PTPRD: variants seen among roughly 807,000 people sequenced by gnomAD.
PTPRD encodes protein tyrosine phosphatase receptor type D, also known as receptor-type tyrosine-protein phosphatase delta.
A neutral mutation model predicts 214.5 loss-of-function variants in PTPRD; 34 were observed. The ratio of observed to expected loss-of-function variants is 0.16; its 90% CI spans 0.12 to 0.21. The LOEUF is 0.21. Among genes scored for constraint, PTPRD ranks in the 10% least tolerant of loss-of-function variants. The pLI, the probability that PTPRD is intolerant of heterozygous loss-of-function variation, is 1.00. For missense variants in PTPRD, 2,545 were observed against 2,398.7 expected (o/e 1.06, Z -1.27); for synonymous variants, 1,128 against 845.7 (o/e 1.33, Z -5.79).
At chr9:9,170,364 G>GA (rs1172652032) in intron 10 of PTPRD, among the ~76,000 whole-genome samples, 1 of 152,064 alleles carries the variant, frequency 6.6e-6, no homozygotes, top group Non-Finnish European at 1.5e-5. Flanking sequence ...TCACTGAATA[G>GA]AAAAAAATAA....
chr9:8,321,253 C>T (rs1394707830), intron 44 of PTPRD, among the ~76,000 whole-genome samples: 1 of 151,408 alleles, frequency 6.6e-6, no homozygotes, highest in African/African-American at 2.4e-5. Context: ...TCTTACCTTG[C>T]CAGAGTCTAT....
intron 2 of PTPRD, among the ~76,000 whole-genome samples, chr9:10,597,538 T>G (rs2076899776): frequency 6.6e-6 from 1 of 151,806 alleles, no homozygotes; most frequent in African/African-American, 2.4e-5. Flanking sequence ...ATATCCACTT[T>G]AAAATAATGC....
In PTPRD at chr9:8,921,969, T is replaced by G. The variant is rs577524361; in HGVS notation, c.-104+96728A>C. ...AAAATAAAAACAATAAAAGGGAAAGTTGGCAAGGAACAAAGACAGATAGAA... is the reference window on the plus strand; with the variant it reads ...AAAATAAAAACAATAAAAGGGAAAGGTGGCAAGGAACAAAGACAGATAGAA... On this transcript the variant is annotated intron_variant, in intron 11 of 45. Transcript: ENST00000381196. Among the ~76,000 whole-genome samples the G allele has an allele frequency of 6.8e-4, 104 of 152,152 alleles. 1 individual carries two copies. The highest frequency in any genetic ancestry group is 2.5e-3 in the African/African-American group (102 of 41,518).
chr9:9,605,001 A>G (rs17181599), intron 7 of PTPRD, among the ~76,000 whole-genome samples: 13,641 of 152,022 alleles, frequency 0.09, 689 homozygotes, highest in Middle Eastern at 0.18. Flanking sequence ...CTCAACTGTG[A>G]AATATATGCT....
intron 11 of PTPRD, among the ~76,000 whole-genome samples, chr9:8,915,379 G>A (rs922069632): frequency 2.0e-4 from 30 of 152,144 alleles, no homozygotes; most frequent in African/African-American, 6.3e-4. Flanking sequence ...TTTAGGTGAT[G>A]TGATTTACAA....
At chr9:8,517,452 A>AT (rs1305892861) in intron 21 of PTPRD, among the ~76,000 whole-genome samples, 2 of 152,142 alleles carry the variant, frequency 1.3e-5, no homozygotes, top group Non-Finnish European at 2.9e-5. Context: ...TAACAGTTTT[A>AT]TTTTTTAGCT....
At position 9,082,504 on chromosome 9, in the gene PTPRD, C is replaced by T. The variant is rs185935451; in HGVS notation, c.-142-63769G>A. 5.1e-3 allele frequency among the ~76,000 whole-genome samples: 774 copies of T among 151,812 alleles called. 7 individuals are homozygous for T. Among genetic ancestry groups the T allele is most frequent in the African/African-American group, 0.018 (738 of 41,484 alleles). On this transcript the variant is annotated intron_variant, in intron 10 of 45. Coordinates refer to ENST00000381196, the MANE Select transcript of PTPRD (RefSeq NM_002839.4). ...AAACCTAAGACACAAGACAAGGGTG[C>T]CCTCTCTCACCACTCCTATTCAACC... is the stretch of plus-strand genomic sequence containing the variant.
chr9:9,726,399 G>A (rs949335895), intron 7 of PTPRD, among the ~76,000 whole-genome samples: 6 of 152,110 alleles, frequency 3.9e-5, no homozygotes, highest in African/African-American at 1.2e-4. Flanking sequence ...GCCATAAGCA[G>A]GACAGTGTAA....
chr9:8,354,658 A>G (rs1451585452), intron 39 of PTPRD, among the ~76,000 whole-genome samples: 2 of 152,208 alleles, frequency 1.3e-5, no homozygotes, highest in East Asian at 1.9e-4. Flanking sequence ...GTAGTTGCAT[A>G]TATTTACAGG....
At chr9:10,024,734 C>G in intron 4 of PTPRD, among the ~76,000 whole-genome samples, 1 of 149,314 alleles carries the variant, frequency 6.7e-6, no homozygotes, top group Non-Finnish European at 1.5e-5. Context: ...CACCCATTAA[C>G]TCGTCATTTA....
At chr9:8,486,370 T>C (rs1479786140) in intron 27 of PTPRD, 21 bp from the exon 28 acceptor site, 5 of 1,596,192 alleles carry the variant, frequency 3.1e-6, no homozygotes, top group African/African-American at 1.3e-5. Flanking sequence ...TGGGATGGAG[T>C]GGTAAGACCA....
intron 2 of PTPRD, among the ~76,000 whole-genome samples, chr9:10,544,640 G>T (rs1465013678): frequency 2.6e-5 from 4 of 152,138 alleles, no homozygotes; most frequent in Non-Finnish European, 5.9e-5. Context: ...ACTTTGGAAA[G>T]CTCGTCAGGT....
chr9:10,444,706 CA>C (rs146406785), intron 2 of PTPRD, among the ~76,000 whole-genome samples: 25 of 146,956 alleles, frequency 1.7e-4, no homozygotes, highest in African/African-American at 4.8e-4. Context: ...ATAACAAAGA[CA>C]AAAAAAAAGA....
intron 7 of PTPRD, among the ~76,000 whole-genome samples, chr9:9,593,647 C>T (rs902533313): frequency 5.9e-5 from 9 of 151,764 alleles, no homozygotes; most frequent in African/African-American, 2.2e-4. Flanking sequence ...AGTGAATTTG[C>T]CCAAGAAAAA....
chr9:10,381,973 G>A lies in PTPRD; in HGVS notation c.-599-40956C>T, dbSNP rs558464159. Among the ~76,000 whole-genome samples the A allele has an allele frequency of 2.0e-5, 3 of 151,912 alleles. No homozygotes were observed. In the South Asian group the frequency reaches 6.2e-4, roughly 32 times the overall value. ...ATTATCTCTTTTGTTTCTTATAACA[G>A]AGAATAGTTCTACCATCTTCCCAGT... On this transcript the variant is annotated intron_variant, in intron 2 of 45. Coordinates refer to ENST00000381196, the MANE Select transcript of PTPRD (RefSeq NM_002839.4).
intron 8 of PTPRD, among the ~76,000 whole-genome samples, chr9:9,450,454 C>T (rs1255034221): frequency 6.6e-6 from 1 of 151,780 alleles, no homozygotes; most frequent in African/African-American, 2.4e-5. Context: ...TTAATTAAGG[C>T]CATTCTTGCA....
intron 11 of PTPRD, among the ~76,000 whole-genome samples, chr9:8,820,193 C>T (rs906940310): frequency 6.6e-6 from 1 of 151,948 alleles, no homozygotes; most frequent in Non-Finnish European, 1.5e-5. Context: ...TTTAATATAA[C>T]CACAAATAAT....
chr9:9,958,088 T>C (rs1383183664), intron 4 of PTPRD, among the ~76,000 whole-genome samples: 1 of 152,054 alleles, frequency 6.6e-6, no homozygotes, highest in Non-Finnish European at 1.5e-5. Flanking sequence ...TTAAAATAGA[T>C]CAAACACCTA....
chr9:10,421,876 C>G (rs978376295), intron 2 of PTPRD, among the ~76,000 whole-genome samples: 13 of 151,572 alleles, frequency 8.6e-5, no homozygotes, highest in African/African-American at 3.1e-4. Flanking sequence ...TAACAGCAGT[C>G]CTTTATTATT....
Sources: gnomAD v4.1 joint callset for allele counts (sites outside exome capture counted in the v4.1 genomes callset) on GRCh38, gnomAD v4.1.1 for gene constraint, MANE v1.5 for transcripts, NCBI Gene and HGNC (gene_info 2026-07-23, HGNC 2026-07-21) for gene names.